The following CSMD3 variants were observed in gnomAD, a reference collection of about 807,000 sequenced individuals.
CSMD3 encodes the protein CUB and Sushi multiple domains 3, also known as CUB and sushi domain-containing protein 3.
In CSMD3, 177 loss-of-function variants were observed where a neutral mutation model predicts 435.2. The ratio of observed to expected loss-of-function variants is 0.41; its 90% CI spans 0.36 to 0.46. CSMD3 has a LOEUF of 0.46. Among genes scored for constraint, CSMD3 ranks in the 20% least tolerant of loss-of-function variants. The probability of loss-of-function intolerance (pLI) is 0.34; values close to 1 mark genes in which losing one functional copy is unlikely to be tolerated. For missense variants in CSMD3, 4,265 were observed against 4,504.6 expected (o/e 0.95, Z 1.52); for synonymous variants, 1,656 against 1,520.5 (o/e 1.09, Z -2.07).
intron 11 of CSMD3, among the ~76,000 whole-genome samples, chr8:112,841,428 G>T (rs1446801319): frequency 1.3e-5 from 2 of 151,782 alleles, no homozygotes; most frequent in African/African-American, 4.8e-5. Flanking sequence ...CATCTGCTCA[G>T]AAAAGTATTT....
At chr8:113,304,761 T>A in intron 2 of CSMD3, among the ~76,000 whole-genome samples, 1 of 85,412 alleles carries the variant, frequency 1.2e-5, no homozygotes, top group Non-Finnish European at 2.2e-5. Flanking sequence ...CTGGGGACTG[T>A]GGTGGGGTCG....
rs1329915730 is a variant in CSMD3 at position 112,223,941 on chromosome 8, T to C, written c.*830A>G. On this transcript the variant is annotated 3_prime_UTR_variant, in exon 71 of 71. Transcript: ENST00000297405. ...ATAATTTCTGCCAGCCAAATGGTTT[T>C]TGGGTGAGGAAACATACTGAAGCTA... 2.6e-5 allele frequency: 4 copies of C among 152,128 alleles called. No individual in the cohort carries two copies. Among genetic ancestry groups the C allele is most frequent in the African/African-American group, 9.6e-5 (4 of 41,452 alleles). 9.4% of individuals were successfully genotyped at this position (152,128 alleles called of 1,614,324 possible).
intron 1 of CSMD3, among the ~76,000 whole-genome samples, chr8:113,328,160 C>T (rs1402206233): frequency 6.6e-6 from 1 of 152,004 alleles, no homozygotes; most frequent in Non-Finnish European, 1.5e-5. Context: ...AAGATGGGGC[C>T]GGGCGCGGTG....
chr8:112,456,927 T>C (rs940309837), intron 32 of CSMD3, among the ~76,000 whole-genome samples: 1 of 152,076 alleles, frequency 6.6e-6, no homozygotes, highest in African/African-American at 2.4e-5. Flanking sequence ...CATTAACTTA[T>C]CAGTCAAATA....
intron 10 of CSMD3, among the ~76,000 whole-genome samples, chr8:112,900,410 C>T (rs886837702): frequency 4.0e-5 from 6 of 151,198 alleles, no homozygotes; most frequent in African/African-American, 1.5e-4. Context: ...TAATATAGTG[C>T]CTGCCCTTTA....
intron 4 of CSMD3, among the ~76,000 whole-genome samples, chr8:113,139,157 G>A (rs1055282437): frequency 6.6e-5 from 10 of 150,660 alleles, no homozygotes; most frequent in Non-Finnish European, 1.5e-4. Flanking sequence ...AAAAAGACTT[G>A]TCAGCAGTAA....
chr8:112,543,146 C>A (rs1826838867), intron 27 of CSMD3, among the ~76,000 whole-genome samples: 1 of 151,976 alleles, frequency 6.6e-6, no homozygotes, highest in Non-Finnish European at 1.5e-5. Context: ...TGTAAAACTT[C>A]CAGAAGGAAA....
chr8:112,837,751 A>T (rs922816925), intron 11 of CSMD3, among the ~76,000 whole-genome samples: 1 of 150,074 alleles, frequency 6.7e-6, no homozygotes, highest in African/African-American at 2.5e-5. Flanking sequence ...GTTGCTAAAA[A>T]TTTACCTTTT....
At chr8:112,803,119 T>C (rs1175346169) in intron 12 of CSMD3, among the ~76,000 whole-genome samples, 1 of 152,120 alleles carries the variant, frequency 6.6e-6, no homozygotes, top group Non-Finnish European at 1.5e-5. Context: ...GGTGGAAACT[T>C]AAAAAGATCT....
At chr8:113,398,893 G>A (rs1415342790) in intron 1 of CSMD3, among the ~76,000 whole-genome samples, 3 of 151,684 alleles carry the variant, frequency 2.0e-5, no homozygotes, top group Admixed American at 2.0e-4. Flanking sequence ...GAAAAATGGT[G>A]ATGAAACTGA....
chr8:112,394,574 T>C (rs1393101486), intron 35 of CSMD3, among the ~76,000 whole-genome samples: 1 of 152,156 alleles, frequency 6.6e-6, no homozygotes, highest in East Asian at 1.9e-4. Flanking sequence ...CACTGTGGCT[T>C]GAACACGTCA....
intron 54 of CSMD3, among the ~76,000 whole-genome samples, chr8:112,293,051 A>G (rs550704253): frequency 1.1e-4 from 17 of 152,088 alleles, no homozygotes; most frequent in Non-Finnish European, 1.9e-4. Context: ...AAATGCAAAG[A>G]AATCTGGGGA....
At chr8:113,363,583 T>A (rs182821133) in intron 1 of CSMD3, among the ~76,000 whole-genome samples, 7 of 152,302 alleles carry the variant, frequency 4.6e-5, no homozygotes, top group Non-Finnish European at 8.8e-5. Context: ...TGGTGGCTGC[T>A]GGCTTGCTTT....
intron 1 of CSMD3, among the ~76,000 whole-genome samples, chr8:113,408,617 C>A (rs948374224): frequency 1.3e-5 from 2 of 150,082 alleles, no homozygotes; most frequent in African/African-American, 2.4e-5. Flanking sequence ...AAGAAGCATG[C>A]GCACAGTTAC....
chr8:113,146,537 T>C (rs1292180178), intron 4 of CSMD3, among the ~76,000 whole-genome samples: 1 of 151,606 alleles, frequency 6.6e-6, no homozygotes, highest in Non-Finnish European at 1.5e-5. Flanking sequence ...CTAATTTGAA[T>C]AATTCCTAAA....
chr8:113,059,191 T>A lies in CSMD3; in HGVS notation c.917+39565A>T, dbSNP rs896565060. On this transcript the variant is annotated intron_variant, in intron 5 of 70. Transcript: ENST00000297405. Reference sequence around the variant, plus strand: ...ATCCCTGTAGGCATCTCAAAGCAATTTGGATGATTTTATTTTGTGTAAGTT... The same window carrying A: ...ATCCCTGTAGGCATCTCAAAGCAATATGGATGATTTTATTTTGTGTAAGTT... 2.0e-5 allele frequency among the ~76,000 whole-genome samples: 3 copies of A among 152,244 alleles called. No homozygotes were observed. In the East Asian group the frequency reaches 5.8e-4, roughly 29 times the overall value.
chr8:112,273,612 G>A (rs1263947639), intron 59 of CSMD3, among the ~76,000 whole-genome samples: 5 of 151,694 alleles, frequency 3.3e-5, no homozygotes, highest in Admixed American at 2.6e-4. Flanking sequence ...TGTAGTCCCA[G>A]CTACTTGGGA....
At chr8:113,063,741 G>T (rs2088719826) in intron 5 of CSMD3, among the ~76,000 whole-genome samples, 1 of 151,806 alleles carries the variant, frequency 6.6e-6, no homozygotes, top group Non-Finnish European at 1.5e-5. Flanking sequence ...TCAAATTGAA[G>T]ATATCCTATC....
intron 1 of CSMD3, among the ~76,000 whole-genome samples, chr8:113,427,268 A>G (rs1269576529): frequency 6.6e-6 from 1 of 151,464 alleles, no homozygotes; most frequent in Non-Finnish European, 1.5e-5. Flanking sequence ...TTTTTCTTTC[A>G]TAGACTGATG....
Sources: gnomAD v4.1 joint callset for allele counts (sites outside exome capture counted in the v4.1 genomes callset) on GRCh38, gnomAD v4.1.1 for gene constraint, MANE v1.5 for transcripts, NCBI Gene and HGNC (gene_info 2026-07-23, HGNC 2026-07-21) for gene names.